The following CNKSR3 variants were observed in gnomAD, a reference collection of about 807,000 sequenced individuals.
The protein encoded by CNKSR3 is connector enhancer of kinase suppressor of ras 3.
A neutral mutation model predicts 67.7 loss-of-function variants in CNKSR3; 36 were observed. The observed-to-expected ratio is 0.53, with a 90% CI of 0.41 to 0.70. The LOEUF is 0.70. Among genes scored for constraint, CNKSR3 ranks in the 30% least tolerant of loss-of-function variants. CNKSR3 has a pLI of 0.00. For missense variants in CNKSR3, 630 were observed against 695.2 expected (o/e 0.91, Z 1.05); for synonymous variants, 281 against 271.4 (o/e 1.04, Z -0.35).
At chr6:154,480,878 CTTAT>C (rs1339492815) in intron 1 of CNKSR3, among the ~76,000 whole-genome samples, 10 of 152,154 alleles carry the variant, frequency 6.6e-5, no homozygotes, top group African/African-American at 2.4e-5. Flanking sequence ...CAGTCTTATG[CTTAT>C]TTATTTGATA....
intron 5 of CNKSR3, among the ~76,000 whole-genome samples, chr6:154,430,952 T>TAAA (rs1259050211): frequency 4.5e-5 from 6 of 134,334 alleles, no homozygotes; most frequent in Admixed American, 7.6e-5. Flanking sequence ...ATTGACAAGG[T>TAAA]AAAAAAAAAA....
At chr6:154,434,936 G>A (rs58655269) in intron 4 of CNKSR3, among the ~76,000 whole-genome samples, 3 of 151,354 alleles carry the variant, frequency 2.0e-5, no homozygotes, top group Middle Eastern at 3.5e-3. Context: ...ATATGTGATC[G>A]TGTGCTAGAA....
At chr6:154,412,701 C>A (rs1784934756) in intron 10 of CNKSR3, among the ~76,000 whole-genome samples, 1 of 152,154 alleles carries the variant, frequency 6.6e-6, no homozygotes, top group Non-Finnish European at 1.5e-5. Flanking sequence ...TGAATCTCTG[C>A]ACCCAATGCA....
intron 1 of CNKSR3, among the ~76,000 whole-genome samples, chr6:154,477,583 A>C (rs756015181): frequency 6.6e-6 from 1 of 152,062 alleles, no homozygotes; most frequent in Non-Finnish European, 1.5e-5. Context: ...AGCCTCCCAA[A>C]GTGCTGGGAT....
rs1401686191 is a variant in CNKSR3 at position 154,407,172 on chromosome 6, C to T, written c.1370-520G>A. 4.6e-5 allele frequency among the ~76,000 whole-genome samples: 7 copies of T among 152,146 alleles called. No homozygotes were observed. In the South Asian group the frequency reaches 8.3e-4, roughly 18 times the overall value. On this transcript the variant is annotated intron_variant, in intron 12 of 12. Coordinates refer to ENST00000607772, the MANE Select transcript of CNKSR3 (RefSeq NM_173515.4). ...CCTCATACTTTAGGCTGCTTTAGCGCCTGAGAGGTAGCACACGGGTCTCCT... is the reference window on the plus strand; with the variant it reads ...CCTCATACTTTAGGCTGCTTTAGCGTCTGAGAGGTAGCACACGGGTCTCCT...
At chr6:154,444,345 C>T (rs1037552156) in intron 2 of CNKSR3, among the ~76,000 whole-genome samples, 4 of 152,098 alleles carry the variant, frequency 2.6e-5, no homozygotes, top group African/African-American at 9.7e-5. Context: ...AATAAATTCT[C>T]CAAAGTTACA....
chr6:154,415,627 G>A (rs1785009883), intron 9 of CNKSR3, among the ~76,000 whole-genome samples: 1 of 152,158 alleles, frequency 6.6e-6, no homozygotes, highest in South Asian at 2.1e-4. Flanking sequence ...CCAACATAGG[G>A]TGGCTGTGAG....
At chr6:154,430,141 C>G (rs979180064) in intron 6 of CNKSR3, among the ~76,000 whole-genome samples, 1 of 152,220 alleles carries the variant, frequency 6.6e-6, no homozygotes, top group African/African-American at 2.4e-5. Context: ...AGTGCTAATA[C>G]TTTCAGAGCA....
At position 154,468,403 on chromosome 6, in the gene CNKSR3, C is replaced by CACAA. The variant is rs1786254755; in HGVS notation, c.53-18146_53-18145insTTGT. ...CCCATATATATTTTATACACACACACACACACACACACACACACACACACA... is the reference window on the plus strand; with the variant it reads ...CCCATATATATTTTATACACACACACACAAACACACACACACACACACACACACA... On this transcript the variant is annotated intron_variant, in intron 1 of 12. Coordinates refer to ENST00000607772, the MANE Select transcript of CNKSR3 (RefSeq NM_173515.4). 2.0e-5 allele frequency among the ~76,000 whole-genome samples: 3 copies of CACAA among 149,348 alleles called. No individual in the cohort carries two copies. In the South Asian group the frequency reaches 6.4e-4, roughly 32 times the overall value.
At chr6:154,436,735 T>C (rs1785479199) in intron 4 of CNKSR3, among the ~76,000 whole-genome samples, 2 of 152,048 alleles carry the variant, frequency 1.3e-5, no homozygotes, top group African/African-American at 4.8e-5. Flanking sequence ...TCAGTTTTCA[T>C]GGCATCCGAC....
At chr6:154,427,860 T>A (rs1457392804) in intron 7 of CNKSR3, among the ~76,000 whole-genome samples, 1 of 152,132 alleles carries the variant, frequency 6.6e-6, no homozygotes, top group Non-Finnish European at 1.5e-5. Flanking sequence ...GCTTAACACT[T>A]CCAGTGTGCA....
chr6:154,420,175 G>A (rs1224121030), intron 9 of CNKSR3, among the ~76,000 whole-genome samples: 1 of 151,070 alleles, frequency 6.6e-6, no homozygotes, highest in Non-Finnish European at 1.5e-5. Context: ...AGTGAAATAA[G>A]CCAGGCACAT....
chr6:154,454,921 C>T (rs1404541434), intron 1 of CNKSR3, among the ~76,000 whole-genome samples: 37 of 152,176 alleles, frequency 2.4e-4, no homozygotes, highest in Admixed American at 2.4e-3. Flanking sequence ...TATTACCTTT[C>T]CCAGAACGTG....
chr6:154,442,011 A>T (rs1433073978), intron 3 of CNKSR3, 77 bp downstream of exon 3: 2 of 1,343,752 alleles, frequency 1.5e-6, no homozygotes, highest in Non-Finnish European at 2.0e-6. Flanking sequence ...TCCTTTTCCT[A>T]AGACAAAGTA....
intron 2 of CNKSR3, among the ~76,000 whole-genome samples, chr6:154,442,493 G>A (rs1053630125): frequency 4.6e-5 from 7 of 152,010 alleles, no homozygotes; most frequent in Non-Finnish European, 7.4e-5. Flanking sequence ...GTGGTGGCGG[G>A]CGCCTGTAGT....
At chr6:154,461,037 C>A (rs1053769635) in intron 1 of CNKSR3, among the ~76,000 whole-genome samples, 1 of 152,176 alleles carries the variant, frequency 6.6e-6, no homozygotes, top group African/African-American at 2.4e-5. Context: ...AGTGCGTGGT[C>A]CAAACAGCCA....
intron 1 of CNKSR3, among the ~76,000 whole-genome samples, chr6:154,498,515 GGTTTGCCAC>G (rs1422444139): frequency 6.6e-6 from 1 of 152,146 alleles, no homozygotes; most frequent in Non-Finnish European, 1.5e-5. Context: ...CATGGCTTTG[GGTTTGCCAC>G]AGTCTCCACC....
intron 1 of CNKSR3, among the ~76,000 whole-genome samples, chr6:154,503,640 T>TAA (rs11340696): frequency 4.2e-4 from 61 of 143,832 alleles, no homozygotes; most frequent in Non-Finnish European, 5.0e-4. Flanking sequence ...GCCTCTTATT[T>TAA]AAAAAAAAAA....
rs553048383 is a variant in CNKSR3 at position 154,472,994 on chromosome 6, G to A, written c.53-22736C>T. 3.6e-4 allele frequency among the ~76,000 whole-genome samples: 55 copies of A among 152,242 alleles called. No individual in the cohort carries two copies. In the South Asian group the frequency reaches 1.0e-2, roughly 28 times the overall value. On this transcript the variant is annotated intron_variant, in intron 1 of 12. Transcript: ENST00000607772. Reference sequence around the variant, plus strand: ...ATGGAGGGCCTGCTGGTCAGTGGAGGGAAGTTGGTGATGAAGGAAGGAAGA... The same window carrying A: ...ATGGAGGGCCTGCTGGTCAGTGGAGAGAAGTTGGTGATGAAGGAAGGAAGA...
Sources: allele counts gnomAD v4.1 joint callset (sites outside exome capture counted in the v4.1 genomes callset), GRCh38; gene constraint gnomAD v4.1.1; transcripts MANE v1.5; gene names NCBI Gene and HGNC (gene_info 2026-07-23, HGNC 2026-07-21).